FYCO1: variants seen among roughly 807,000 people sequenced by gnomAD.
FYCO1 encodes the protein FYVE and coiled-coil domain autophagy adaptor 1, also known as FYVE and coiled-coil domain-containing protein 1.
A neutral mutation model predicts 165.1 loss-of-function variants in FYCO1; 122 were observed. The ratio of observed to expected loss-of-function variants is 0.74; its 90% CI spans 0.64 to 0.86. FYCO1 has a LOEUF of 0.86. Ranked by LOEUF, FYCO1 falls within the 40% of genes least tolerant of loss-of-function variation. The pLI, the probability that FYCO1 is intolerant of heterozygous loss-of-function variation, is 0.00. For missense variants in FYCO1, 1,702 were observed against 1,810.3 expected (o/e 0.94, Z 1.09); for synonymous variants, 648 against 742.5 (o/e 0.87, Z 2.07).
Position 45,964,564 on chromosome 3 carries a change from G to A in FYCO1, c.3151-110C>T. On this transcript the variant is annotated intron_variant, in intron 9 of 17. Coordinates refer to ENST00000296137, the MANE Select transcript of FYCO1 (RefSeq NM_024513.4). The surrounding 1 kb of genome is among the most constrained non-coding windows in gnomAD (Gnocchi z 4.1). ...CATCTGGCTGGGTCACTTCTAAATG[G>A]AGGGTTGTTTCCTATTAAGTTCAAG... 6.4e-7 allele frequency: 1 copy of A among 1,555,194 alleles called. No individual in the cohort carries two copies. The highest frequency in any genetic ancestry group is 1.2e-5 in the South Asian group (1 of 85,252).
intron 3 of FYCO1, among the ~76,000 whole-genome samples, chr3:45,980,486 T>C (rs946353364): frequency 2.6e-5 from 4 of 152,230 alleles, no homozygotes; most frequent in African/African-American, 7.2e-5. Context: ...ATCGTTTTAA[T>C]ACACCTACAA....
chr3:45,980,286 T>TAGC (rs566606846), intron 3 of FYCO1, among the ~76,000 whole-genome samples: 98 of 150,358 alleles, frequency 6.5e-4, no homozygotes, highest in African/African-American at 2.4e-3. Flanking sequence ...GAGGCAGAGG[T>TAGC]AGCAGTGAGC....
chr3:45,982,193 C>T (rs994381825), intron 2 of FYCO1, among the ~76,000 whole-genome samples: 1 of 152,100 alleles, frequency 6.6e-6, no homozygotes, highest in East Asian at 1.9e-4. Context: ...AGGGGCTGGG[C>T]CTTTACATGT....
chr3:45,935,262 C>T (rs1345937905), intron 15 of FYCO1, among the ~76,000 whole-genome samples: 1 of 152,226 alleles, frequency 6.6e-6, no homozygotes, highest in East Asian at 1.9e-4. Flanking sequence ...GGCTCTCATC[C>T]TCCATCATCT....
intron 14 of FYCO1, chr3:45,948,272 C>T (rs913360778): frequency 1.2e-5 from 2 of 166,918 alleles, no homozygotes; most frequent in African/African-American, 4.8e-5. Flanking sequence ...TGTATATACC[C>T]ACACACATAC....
At position 45,966,777 on chromosome 3, in the gene FYCO1, C is replaced by T; in HGVS notation, c.2557G>A (p.Gly853Arg). The T allele has an allele frequency of 1.2e-6, 2 of 1,609,920 alleles. No homozygotes were observed. The highest frequency in any genetic ancestry group is 1.7e-6 in the Non-Finnish European group (2 of 1,179,990). Residue 853 changes from glycine to arginine, a missense_variant, in exon 8 of 18, where the codon GGG (glycine) becomes AGG (arginine). Physicochemically the swap from Gly to Arg is moderately radical, Grantham distance 125 (BLOSUM62 -2). Coordinates refer to ENST00000296137, the MANE Select transcript of FYCO1 (RefSeq NM_024513.4). ...TCGGCCCTCTCCTCCTGCAGTGCCC[C>T]TTCACGCTCCGAGCATTGCAGCAGC... ...QELLQCSEREGALQEERADEA... is the reference protein window; with the variant it reads ...QELLQCSERERALQEERADEA...
At chr3:45,952,130 C>G (rs1705067528) in intron 14 of FYCO1, among the ~76,000 whole-genome samples, 1 of 152,150 alleles carries the variant, frequency 6.6e-6, no homozygotes, top group Non-Finnish European at 1.5e-5. Flanking sequence ...CCCTGATGGG[C>G]TGCACAGGGA....
Position 45,931,087 on chromosome 3 carries a change from G to C in FYCO1, c.4235C>G (p.Pro1412Arg), listed in dbSNP as rs376786114. 2 of 1,613,608 alleles carry C rather than the reference G, an allele frequency of 1.2e-6. No individual in the cohort carries two copies. The highest frequency in any genetic ancestry group is 2.2e-5 in the South Asian group (2 of 91,040). ...SVVFQEAEDT[P>R]LDQCKVLIPT... ...CAGCCTTACCTTACACTGATCCAGC[G>C]GTGTGTCCTCGGCCTCCTGGAAGAC... The change falls in exon 16 of 18, where the codon CCG becomes CGG. Residue 1412 changes from proline to arginine, a missense_variant. Physicochemically the swap from Pro to Arg is moderately radical, Grantham distance 103 (BLOSUM62 -2). Coordinates refer to ENST00000296137, the MANE Select transcript of FYCO1 (RefSeq NM_024513.4).
Position 45,955,230 on chromosome 3 carries a change from G to A in FYCO1, c.3944+19C>T. The A allele has an allele frequency of 1.2e-6, 2 of 1,613,088 alleles. No individual in the cohort carries two copies. The highest frequency in any genetic ancestry group is 1.1e-5 in the South Asian group (1 of 91,034). ...GGCCTGTAATGAGCACTCAGGAAATGGGGGTGACCTCTACTCACTGTTCAG... is the reference window on the plus strand; with the variant it reads ...GGCCTGTAATGAGCACTCAGGAAATAGGGGTGACCTCTACTCACTGTTCAG... On this transcript the variant is annotated intron_variant, in intron 14 of 17. Coordinates refer to ENST00000296137, the MANE Select transcript of FYCO1 (RefSeq NM_024513.4).
At chr3:45,950,766 C>T (rs1418960116) in intron 14 of FYCO1, among the ~76,000 whole-genome samples, 3 of 152,226 alleles carry the variant, frequency 2.0e-5, no homozygotes, top group Non-Finnish European at 2.9e-5. Context: ...CCTTTCTTTG[C>T]CCAGAAATGT....
intron 11 of FYCO1, 40 bp from the exon 12 acceptor site, chr3:45,959,582 C>T (rs1271255909): frequency 6.3e-7 from 1 of 1,595,740 alleles, no homozygotes. Flanking sequence ...AGAGAGAATC[C>T]ATGAAAACAA....
intron 17 of FYCO1, 132 bp downstream of exon 17, chr3:45,923,524 G>A (rs1703183772): frequency 1.4e-6 from 1 of 716,356 alleles, no homozygotes; most frequent in Non-Finnish European, 2.6e-6. Flanking sequence ...CCACAGGAGA[G>A]GGGTCAACAA....
chr3:45,969,239 C>T (rs1440488092), intron 7 of FYCO1, among the ~76,000 whole-genome samples: 2 of 152,204 alleles, frequency 1.3e-5, no homozygotes, highest in South Asian at 4.1e-4. Context: ...CTAACATTGA[C>T]TGAGCCCTTG....
Position 45,984,932 on chromosome 3 carries a change from T to TG in FYCO1, c.-23dup. ...CCATGGTGAGTTTGCCTTTCTTGTC[T>TG]GTATGTCTCCTGCCTGGGTCCAGAG... On this transcript the variant is annotated 5_prime_UTR_variant, in exon 2 of 18. Coordinates refer to ENST00000296137, the MANE Select transcript of FYCO1 (RefSeq NM_024513.4). 6.2e-7 allele frequency: 1 copy of TG among 1,613,878 alleles called. No homozygotes were observed. The highest frequency in any genetic ancestry group is 8.5e-7 in the Non-Finnish European group (1 of 1,179,796).
At chr3:45,939,659 C>T (rs1196428774) in intron 14 of FYCO1, among the ~76,000 whole-genome samples, 1 of 152,146 alleles carries the variant, frequency 6.6e-6, no homozygotes, top group Non-Finnish European at 1.5e-5. Flanking sequence ...GTGCCATCTC[C>T]CCTCAGCCTC....
chr3:45,942,265 G>A (rs1362944838), intron 14 of FYCO1, among the ~76,000 whole-genome samples: 2 of 152,222 alleles, frequency 1.3e-5, no homozygotes, highest in Non-Finnish European at 2.9e-5. Context: ...GGGCAAGTGG[G>A]CTAATCTCTC....
At chr3:45,927,635 A>G (rs537910326) in intron 16 of FYCO1, among the ~76,000 whole-genome samples, 1 of 152,318 alleles carries the variant, frequency 6.6e-6, no homozygotes, top group Admixed American at 6.5e-5. Flanking sequence ...TCTTCTGCAC[A>G]CGGCGTCTCA....
chr3:45,931,715 C>T (rs1361427020), intron 15 of FYCO1, among the ~76,000 whole-genome samples: 5 of 152,218 alleles, frequency 3.3e-5, no homozygotes, highest in Admixed American at 6.5e-5. Context: ...AGTTCCCTGC[C>T]TCGCCCTTTC....
chr3:45,945,424 A>C (rs752537823), intron 14 of FYCO1: 3 of 152,280 alleles, frequency 2.0e-5, no homozygotes, highest in South Asian at 2.1e-4. Flanking sequence ...CACAGGTTAC[A>C]TGATCCCTTG....
Sources: allele counts gnomAD v4.1 joint callset (sites outside exome capture counted in the v4.1 genomes callset), GRCh38; gene constraint gnomAD v4.1.1; non-coding constraint Gnocchi (gnomAD v3.1); transcripts MANE v1.5; gene names NCBI Gene and HGNC (gene_info 2026-07-23, HGNC 2026-07-21).